DNAH9: variants seen among roughly 807,000 people sequenced by gnomAD.
The protein encoded by DNAH9 is dynein axonemal heavy chain 9.
A neutral mutation model predicts 471.6 loss-of-function variants in DNAH9; 345 were observed. The ratio of observed to expected loss-of-function variants is 0.73; its 90% CI spans 0.67 to 0.80. The LOEUF is 0.80. Ranked by LOEUF, DNAH9 falls within the 30% of genes least tolerant of loss-of-function variation. The pLI is 0.00. For synonymous variants in DNAH9, 2,093 were observed against 2,123.6 expected, an observed-to-expected ratio of 0.99 and a Z score of 0.40; for missense variants, 5,407 against 5,609.2, an observed-to-expected ratio of 0.96 and a Z score of 1.15.
intron 1 of DNAH9, among the ~76,000 whole-genome samples, chr17:11,607,915 T>C (rs112158445): frequency 2.0e-5 from 3 of 152,258 alleles, no homozygotes; most frequent in Non-Finnish European, 4.4e-5. Flanking sequence ...AGGAGCAGAA[T>C]GGGAAGGAAA....
Position 11,967,034 on chromosome 17 carries a change from C to CAAA in DNAH9, c.13234-2248_13234-2246dup, listed in dbSNP as rs375839377. ...TGGGCAACAGAGTGAGACTCCATCT[C>CAAA]AAAAAAAAAAAAAAAAAAAAGTAAG... On this transcript the variant is annotated intron_variant, in intron 68 of 68. Coordinates refer to ENST00000262442, the MANE Select transcript of DNAH9 (RefSeq NM_001372.4). 2.1e-3 allele frequency among the ~76,000 whole-genome samples: 134 copies of CAAA among 65,032 alleles called. 1 individual carries two copies. Among genetic ancestry groups the CAAA allele is most frequent in the Admixed American group, 4.9e-3 (28 of 5,728 alleles). 42.7% of individuals were successfully genotyped at this position (65,032 alleles called of 152,430 possible).
intron 28 of DNAH9, among the ~76,000 whole-genome samples, chr17:11,735,362 T>C (rs192836528): frequency 5.3e-4 from 81 of 152,274 alleles, no homozygotes; most frequent in Middle Eastern, 3.4e-3. Flanking sequence ...AGAGAGGGAT[T>C]GCAAACTCAT....
intron 50 of DNAH9, among the ~76,000 whole-genome samples, chr17:11,866,991 G>T (rs533030192): frequency 6.6e-6 from 1 of 152,194 alleles, no homozygotes; most frequent in South Asian, 2.1e-4. Flanking sequence ...GCAATGCCTC[G>T]CCCTGCTTCA....
chr17:11,616,689 T>A (rs764253135), intron 4 of DNAH9, among the ~76,000 whole-genome samples: 67 of 152,268 alleles, frequency 4.4e-4, no homozygotes, highest in Non-Finnish European at 6.5e-4. Flanking sequence ...GTGACTTTTT[T>A]AAAAAAATTA....
chr17:11,752,830 T>G lies in DNAH9; in HGVS notation c.6611-3T>G, dbSNP rs1284427250. 1.9e-6 allele frequency: 3 copies of G among 1,571,198 alleles called. No individual in the cohort carries two copies. The East Asian group carries it at 6.8e-5, about 35-fold the overall frequency. The stretch of plus-strand genomic sequence containing the variant: ...AAAATAAGGTGTCAGTGGTTCCTTT[T>G]AGGATTGTTCTCTTCCATCATGCGG... On this transcript the variant is annotated splice_polypyrimidine_tract_variant and splice_region_variant and intron_variant, in intron 32 of 68. Coordinates refer to ENST00000262442, the MANE Select transcript of DNAH9 (RefSeq NM_001372.4).
rs1013832668 is a variant in DNAH9 at position 11,957,900 on chromosome 17, T to C, written c.12844-3967T>C. Among the ~76,000 whole-genome samples the C allele has an allele frequency of 2.6e-5, 4 of 152,188 alleles. No homozygotes were observed. In the East Asian group the frequency reaches 7.7e-4, roughly 29 times the overall value. On this transcript the variant is annotated intron_variant, in intron 67 of 68. Coordinates refer to ENST00000262442, the MANE Select transcript of DNAH9 (RefSeq NM_001372.4). ...CTGTCTGTATTATTCCTTACAACTA[T>C]AAATATACCTATAATTATCTCAAAA...
At chr17:11,605,541 C>T (rs1184507137) in intron 1 of DNAH9, among the ~76,000 whole-genome samples, 1 of 151,932 alleles carries the variant, frequency 6.6e-6, no homozygotes, top group Non-Finnish European at 1.5e-5. Context: ...CTCTGTTGCC[C>T]AGGCTGGAGT....
chr17:11,937,150 G>A lies in DNAH9; in HGVS notation c.12490-202G>A, dbSNP rs1184160358. Among the ~76,000 whole-genome samples the A allele has an allele frequency of 2.6e-5, 4 of 152,124 alleles. No individual in the cohort carries two copies. The highest frequency in any genetic ancestry group is 9.7e-5 in the African/African-American group (4 of 41,414). On this transcript the variant is annotated intron_variant, in intron 65 of 68. Transcript: ENST00000262442. This position sits in a 1 kb window ranked among gnomAD's most constrained non-coding sequence, Gnocchi z 4.1. ...GATAGAATGAATGTGGAAGTTTTGG[G>A]AAACGGGTCCAGCCGACAAAAATGG...
At chr17:11,850,258 T>C (rs1219986753) in intron 49 of DNAH9, among the ~76,000 whole-genome samples, 1 of 152,078 alleles carries the variant, frequency 6.6e-6, no homozygotes, top group East Asian at 1.9e-4. Flanking sequence ...GGGCAGATAT[T>C]TGGGGAAGAG....
intron 57 of DNAH9, among the ~76,000 whole-genome samples, chr17:11,890,705 G>A (rs988609058): frequency 6.6e-6 from 1 of 151,966 alleles, no homozygotes. Context: ...GTGTTGTTTT[G>A]TTTTGTTTCT....
chr17:11,675,075 T>C (rs1443449547), intron 17 of DNAH9, among the ~76,000 whole-genome samples: 1 of 152,222 alleles, frequency 6.6e-6, no homozygotes, highest in Non-Finnish European at 1.5e-5. Flanking sequence ...TTGATGATAT[T>C]GAATATTCTT....
intron 32 of DNAH9, among the ~76,000 whole-genome samples, chr17:11,748,470 A>G (rs910861115): frequency 6.6e-6 from 1 of 152,132 alleles, no homozygotes; most frequent in African/African-American, 2.4e-5. Flanking sequence ...GCTCATTCCC[A>G]AAGAAGTGGT....
At position 11,669,537 on chromosome 17, in the gene DNAH9, G is replaced by T. The variant is rs778232621; in HGVS notation, c.3096G>T (p.Gly1032=). 1 of 1,614,124 alleles carries T rather than the reference G, an allele frequency of 6.2e-7. No homozygotes were observed. Among genetic ancestry groups the T allele is most frequent in the East Asian group, 2.2e-5 (1 of 44,866 alleles). ...TTCTGGGTCAGTTTCTGCTGTACGG[G>T]CACATCCTCACTCCGGAAGAAATTG... ...KEVLGQFLLY[G]HILTPEEIED... The change falls in exon 17 of 69, where the codon GGG becomes GGT. Residue 1032 remains glycine (G), a synonymous_variant. Coordinates refer to ENST00000262442, the MANE Select transcript of DNAH9 (RefSeq NM_001372.4).
chr17:11,948,057 G>A (rs1032200470), intron 67 of DNAH9, among the ~76,000 whole-genome samples: 7 of 150,450 alleles, frequency 4.7e-5, no homozygotes, highest in Non-Finnish European at 8.9e-5. Flanking sequence ...GAGCCACCAC[G>A]CCTGGCCAGG....
intron 2 of DNAH9, among the ~76,000 whole-genome samples, chr17:11,609,986 G>C (rs994642214): frequency 1.3e-5 from 2 of 152,208 alleles, no homozygotes; most frequent in Admixed American, 6.5e-5. Context: ...TATTGAGAAA[G>C]GTGCTGCTTT....
chr17:11,826,098 A>T (rs1341252582), intron 48 of DNAH9, among the ~76,000 whole-genome samples: 4 of 152,160 alleles, frequency 2.6e-5, no homozygotes, highest in African/African-American at 9.7e-5. Flanking sequence ...TCTGTGCCTA[A>T]AGAAGGATGT....
At position 11,689,973 on chromosome 17, in the gene DNAH9, G is replaced by A. The variant is rs750677670; in HGVS notation, c.4151G>A (p.Arg1384Gln). 19 of 1,613,730 alleles carry A rather than the reference G, an allele frequency of 1.2e-5. No homozygotes were observed. The highest frequency in any genetic ancestry group is 2.2e-5 in the East Asian group (1 of 44,850). ...AELQNPAIRE[R>Q]HWRQLMQATG... ...CTGCAGAATCCAGCCATCCGGGAGC[G>A]GCACTGGAGGCAGCTGATGCAGGCC... Residue 1384 changes from arginine to glutamine, a missense_variant, in exon 20 of 69, where the codon CGG becomes CAG. Physicochemically the swap from Arg to Gln is conservative, Grantham distance 43. Around this residue, in one of 3 missense-constraint regions of DNAH9, gnomAD observed 4,636 missense variants for 4,900.3 expected, o/e 0.95. Coordinates refer to ENST00000262442, the MANE Select transcript of DNAH9 (RefSeq NM_001372.4).
chr17:11,744,262 C>G (rs1567767468), intron 30 of DNAH9, among the ~76,000 whole-genome samples: 1 of 152,218 alleles, frequency 6.6e-6, no homozygotes, highest in Admixed American at 6.5e-5. Context: ...CTCCTTCCCA[C>G]ACCATGCTGC....
chr17:11,598,956 GGGGGA>G, intron 1 of DNAH9, 41 bp downstream of exon 1: 2 of 1,427,906 alleles, frequency 1.4e-6, no homozygotes, highest in Non-Finnish European at 1.8e-6. Flanking sequence ...AAAGCTGGGT[GGGGGA>G]GGGGAGGAGG....
Sources: allele counts gnomAD v4.1 joint callset (sites outside exome capture counted in the v4.1 genomes callset), GRCh38; gene constraint gnomAD v4.1.1; regional missense constraint gnomAD v4.1.1; non-coding constraint Gnocchi (gnomAD v3.1); transcripts MANE v1.5; gene names NCBI Gene and HGNC (gene_info 2026-07-23, HGNC 2026-07-21).